Variants in ENTHD1 observed in about 807,000 individuals in gnomAD.
The protein encoded by ENTHD1 is ENTH domain-containing protein 1.
Under a neutral mutation model 39.1 loss-of-function variants are expected in ENTHD1, and 23 were observed. The observed-to-expected ratio is 0.59, with a 90% CI of 0.42 to 0.83. The LOEUF (loss-of-function observed/expected upper bound fraction) is 0.83, where lower values mean the gene tolerates loss of function less well. Among genes scored for constraint, ENTHD1 ranks in the 40% least tolerant of loss-of-function variants. ENTHD1 has a pLI of 0.00. For synonymous variants in ENTHD1, 230 were observed against 258.2 expected (o/e 0.89, Z 1.05); for missense variants, 624 against 705.4 (o/e 0.88, Z 1.31).
intron 4 of ENTHD1, among the ~76,000 whole-genome samples, chr22:39,827,161 G>A (rs1013179514): frequency 1.3e-5 from 2 of 151,690 alleles, no homozygotes; most frequent in African/African-American, 2.4e-5. Flanking sequence ...GACTACAGGC[G>A]CCTGCCACCA....
chr22:39,810,529 A>G (rs1327637228), intron 5 of ENTHD1, among the ~76,000 whole-genome samples: 1 of 152,200 alleles, frequency 6.6e-6, no homozygotes, highest in Non-Finnish European at 1.5e-5. Flanking sequence ...CGCTATAATT[A>G]TACCACTTCC....
intron 4 of ENTHD1, among the ~76,000 whole-genome samples, chr22:39,821,881 G>A (rs553246630): frequency 3.3e-5 from 5 of 152,220 alleles, no homozygotes; most frequent in Admixed American, 6.5e-5. Context: ...CTTTTATAAG[G>A]GCACTAATCA....
Position 39,744,033 on chromosome 22 carries a change from T to G in ENTHD1, c.1470A>C (p.Leu490=), listed in dbSNP as rs904635503. The G allele has an allele frequency of 2.5e-6, 4 of 1,614,164 alleles. No individual in the cohort carries two copies. In the Admixed American group the frequency reaches 6.7e-5, roughly 27 times the overall value. Residue 490 remains leucine (L), a synonymous_variant, in exon 7 of 7, where the codon CTA becomes CTC. Transcript: ENST00000325157. ...CAGAGTTATTTGGAAGAATTCCCAGTAGATTGAGGCTATCATTTTCCTCTA... is the reference window on the plus strand; with the variant it reads ...CAGAGTTATTTGGAAGAATTCCCAGGAGATTGAGGCTATCATTTTCCTCTA... ...SDVEENDSLN[L]LGILPNNSDS...
chr22:39,872,208 T>C (rs1437785251), intron 2 of ENTHD1, among the ~76,000 whole-genome samples: 3 of 152,218 alleles, frequency 2.0e-5, no homozygotes, highest in African/African-American at 4.8e-5. Flanking sequence ...ATCCCTTCTG[T>C]GAGTGTATTA....
At chr22:39,806,923 G>T (rs1355562430) in intron 5 of ENTHD1, among the ~76,000 whole-genome samples, 1 of 152,182 alleles carries the variant, frequency 6.6e-6, no homozygotes, top group Non-Finnish European at 1.5e-5. Context: ...AAGCATGAGA[G>T]AATATGGTGT....
chr22:39,844,964 G>T (rs2065975067), intron 3 of ENTHD1, among the ~76,000 whole-genome samples: 2 of 151,968 alleles, frequency 1.3e-5, no homozygotes, highest in South Asian at 4.2e-4. Context: ...ACCTCAACTA[G>T]GTAGAATGAG....
chr22:39,847,223 A>G (rs1440558925), intron 3 of ENTHD1, among the ~76,000 whole-genome samples: 2 of 151,980 alleles, frequency 1.3e-5, no homozygotes, highest in Admixed American at 6.5e-5. Context: ...TTTGTTAGGG[A>G]CATGGATGAA....
rs200864319 is a variant in ENTHD1 at position 39,867,793 on chromosome 22, CA to C, written c.350-5787del. Reference sequence around the variant, plus strand: ...GGGCGATGAGAGCACAACTCCGTCTCAAAAAAAAAATCCCTCCAGTCAAGTT... The same window carrying C: ...GGGCGATGAGAGCACAACTCCGTCTCAAAAAAAAATCCCTCCAGTCAAGTT... On this transcript the variant is annotated intron_variant, in intron 2 of 6. Transcript: ENST00000325157. The surrounding 1 kb of genome is among the most constrained non-coding windows in gnomAD (Gnocchi z 4.5). Among the ~76,000 whole-genome samples, 7 of 148,704 alleles carry C rather than the reference CA, an allele frequency of 4.7e-5. No homozygotes were observed. Among genetic ancestry groups the C allele is most frequent in the South Asian group, 2.1e-4 (1 of 4,718 alleles).
At chr22:39,808,421 T>C (rs2065660773) in intron 5 of ENTHD1, among the ~76,000 whole-genome samples, 1 of 152,226 alleles carries the variant, frequency 6.6e-6, no homozygotes, top group Non-Finnish European at 1.5e-5. Context: ...TAGTACACAG[T>C]AGGCATTTAG....
intron 3 of ENTHD1, among the ~76,000 whole-genome samples, chr22:39,842,697 T>C (rs2065954284): frequency 6.6e-6 from 1 of 151,486 alleles, no homozygotes; most frequent in Admixed American, 6.6e-5. Flanking sequence ...AGAAAATTTT[T>C]GCAACCTACT....
At chr22:39,856,861 AAAAAAAAGAAAG>A (rs1406989862) in intron 3 of ENTHD1, among the ~76,000 whole-genome samples, 1 of 151,452 alleles carries the variant, frequency 6.6e-6, no homozygotes, top group Non-Finnish European at 1.5e-5. Flanking sequence ...TCAAAAAAAA[AAAAAAAAGAAAG>A]AAAGAAAAGG....
intron 5 of ENTHD1, among the ~76,000 whole-genome samples, chr22:39,791,866 T>C (rs1157147724): frequency 6.6e-6 from 1 of 152,120 alleles, no homozygotes; most frequent in Admixed American, 6.6e-5. Context: ...GTTTTGTTTT[T>C]CCTGAACTTC....
chr22:39,831,948 G>A (rs1376016550), intron 4 of ENTHD1, among the ~76,000 whole-genome samples: 1 of 152,080 alleles, frequency 6.6e-6, no homozygotes, highest in Non-Finnish European at 1.5e-5. Context: ...ATAAAAACAG[G>A]CAGATATGAA....
At chr22:39,776,406 G>A (rs1263391562) in intron 5 of ENTHD1, among the ~76,000 whole-genome samples, 1 of 152,166 alleles carries the variant, frequency 6.6e-6, no homozygotes, top group Non-Finnish European at 1.5e-5. Context: ...ATGTCAAAGA[G>A]CTTTGTTCTC....
At chr22:39,843,248 G>A (rs1171391559) in intron 3 of ENTHD1, among the ~76,000 whole-genome samples, 1 of 151,972 alleles carries the variant, frequency 6.6e-6, no homozygotes, top group Non-Finnish European at 1.5e-5. Flanking sequence ...AAGAAAATGT[G>A]GCACATATAC....
rs1194026226 is a variant in ENTHD1 at position 39,861,939 on chromosome 22, C to CT, written c.417dup (p.Glu140ArgfsTer9). The CT allele has an allele frequency of 1.3e-6, 2 of 1,592,130 alleles. No individual in the cohort carries two copies. The highest frequency in any genetic ancestry group is 2.3e-5 in the South Asian group (2 of 87,644). The stretch of plus-strand genomic sequence containing the variant: ...CTAGTCCGACATGCCACTTCCCTCT[C>CT]TTTACACAGCAATGGTTCATCCATC... On this transcript the variant is annotated frameshift_variant, in exon 3 of 7. Transcript: ENST00000325157. LOFTEE classifies it high-confidence loss of function.
At chr22:39,881,363 A>G (rs2066336713) in intron 2 of ENTHD1, among the ~76,000 whole-genome samples, 2 of 152,204 alleles carry the variant, frequency 1.3e-5, no homozygotes, top group Admixed American at 1.3e-4. Flanking sequence ...CAGATTAACA[A>G]TTAGACTCAC....
At chr22:39,744,498 G>A (rs1269217212) in intron 6 of ENTHD1, among the ~76,000 whole-genome samples, 1 of 151,924 alleles carries the variant, frequency 6.6e-6, no homozygotes, top group East Asian at 1.9e-4. Flanking sequence ...TAATACCATG[G>A]AAATGAAACT....
chr22:39,893,315 T>C (rs917983364), intron 1 of ENTHD1: 1 of 152,028 alleles, frequency 6.6e-6, no homozygotes, highest in South Asian at 2.1e-4. Context: ...TGAGCAAGAA[T>C]CAACTTTCTG....
Sources: allele counts gnomAD v4.1 joint callset (sites outside exome capture counted in the v4.1 genomes callset), GRCh38; gene constraint gnomAD v4.1.1; non-coding constraint Gnocchi (gnomAD v3.1); transcripts MANE v1.5; gene names NCBI Gene and HGNC (gene_info 2026-07-23, HGNC 2026-07-21).